Variants in SIPA1L3 observed in about 807,000 individuals in gnomAD.
The protein encoded by SIPA1L3 is signal induced proliferation associated 1 like 3.
SIPA1L3 carries 59 observed loss-of-function variants against 150.1 expected under a neutral mutation model. The observed-to-expected ratio is 0.39, with a 90% CI of 0.32 to 0.49. The LOEUF (loss-of-function observed/expected upper bound fraction) is 0.49, where lower values mean the gene tolerates loss of function less well. SIPA1L3 is among the 20% of genes least tolerant of loss of function. The probability of loss-of-function intolerance (pLI) is 0.86; values close to 1 mark genes in which losing one functional copy is unlikely to be tolerated. For missense variants in SIPA1L3, 2,211 were observed against 2,489.5 expected (o/e 0.89, Z 2.38); for synonymous variants, 1,070 against 1,077.6 (o/e 0.99, Z 0.14).
intron 1 of SIPA1L3, among the ~76,000 whole-genome samples, chr19:37,968,357 C>T (rs1409802521): frequency 6.6e-6 from 1 of 152,136 alleles, no homozygotes; most frequent in Non-Finnish European, 1.5e-5. Flanking sequence ...CAGGCATGAG[C>T]CACCGCGCCC....
intron 2 of SIPA1L3, among the ~76,000 whole-genome samples, chr19:38,042,251 A>G (rs1968942975): frequency 6.6e-6 from 1 of 152,162 alleles, no homozygotes; most frequent in African/African-American, 2.4e-5. Context: ...CATTCTTTGA[A>G]AGGCTCAGTT....
chr19:38,130,513 T>C lies in SIPA1L3; in HGVS notation c.2884T>C (p.Trp962Arg). ...VQRLKVMTSGWETVDMTLRRN... is the reference protein window; with the variant it reads ...VQRLKVMTSGRETVDMTLRRN... ...TGGCCTGCAGGTGATGACCAGTGGC[T>C]GGGAGACGGTGGACATGACGCTTCG... Residue 962 changes from tryptophan (W) to arginine (R), a missense_variant, in exon 10 of 22, where the codon TGG (tryptophan) becomes CGG (arginine). Physicochemically the swap from Trp to Arg is moderately radical, Grantham distance 101. Transcript: ENST00000222345. 1 of 1,612,152 alleles carries C rather than the reference T, an allele frequency of 6.2e-7. No individual in the cohort carries two copies. Among genetic ancestry groups the C allele is most frequent in the Non-Finnish European group, 8.5e-7 (1 of 1,179,522 alleles).
intron 4 of SIPA1L3, among the ~76,000 whole-genome samples, chr19:38,097,151 C>T (rs1327194251): frequency 6.6e-6 from 1 of 152,134 alleles, no homozygotes; most frequent in Non-Finnish European, 1.5e-5. Flanking sequence ...GAGTTGCAGA[C>T]CAGCCTGGGC....
At chr19:38,118,195 A>G (rs1249196981) in intron 8 of SIPA1L3, among the ~76,000 whole-genome samples, 1 of 152,194 alleles carries the variant, frequency 6.6e-6, no homozygotes, top group Non-Finnish European at 1.5e-5. Flanking sequence ...AGCTATTCCT[A>G]CAATAAAGCC....
At chr19:38,000,948 AAC>A (rs1568496006) in intron 1 of SIPA1L3, among the ~76,000 whole-genome samples, 4 of 87,558 alleles carry the variant, frequency 4.6e-5, no homozygotes, top group Non-Finnish European at 7.0e-5. Context: ...TATAACATAT[AAC>A]ACACATATAA....
intron 1 of SIPA1L3, among the ~76,000 whole-genome samples, chr19:37,949,085 T>C (rs2046738501): frequency 6.6e-6 from 1 of 152,184 alleles, no homozygotes; most frequent in Non-Finnish European, 1.5e-5. Flanking sequence ...CAAAGAATTG[T>C]GAGATGCCTC....
intron 2 of SIPA1L3, among the ~76,000 whole-genome samples, chr19:38,040,701 TA>T (rs1193945875): frequency 6.6e-6 from 1 of 152,258 alleles, no homozygotes; most frequent in Non-Finnish European, 1.5e-5. Context: ...ATGCCCCATT[TA>T]AGAGTTTCAA....
At chr19:38,097,100 G>A (rs1402205389) in intron 4 of SIPA1L3, among the ~76,000 whole-genome samples, 1 of 152,224 alleles carries the variant, frequency 6.6e-6, no homozygotes, top group Non-Finnish European at 1.5e-5. Flanking sequence ...TGTAATCCTG[G>A]CACTTCAGGA....
intron 1 of SIPA1L3, among the ~76,000 whole-genome samples, chr19:37,919,454 A>G: frequency 6.6e-6 from 1 of 152,208 alleles, no homozygotes; most frequent in South Asian, 2.1e-4. Context: ...GTAAGAGGAA[A>G]CTGAGTTACA....
At chr19:38,083,945 A>G (rs984044192) in intron 3 of SIPA1L3, among the ~76,000 whole-genome samples, 1 of 150,626 alleles carries the variant, frequency 6.6e-6, no homozygotes, top group Non-Finnish European at 1.5e-5. Flanking sequence ...GTGGGCTGAG[A>G]TCATGCCACT....
chr19:38,199,323 T>C (rs1389553527), intron 19 of SIPA1L3, among the ~76,000 whole-genome samples: 1 of 152,218 alleles, frequency 6.6e-6, no homozygotes, highest in African/African-American at 2.4e-5. Context: ...GAGACCCAGA[T>C]GCCATCAGCG....
intron 10 of SIPA1L3, among the ~76,000 whole-genome samples, chr19:38,135,881 G>C (rs1459246637): frequency 6.6e-6 from 1 of 151,988 alleles, no homozygotes; most frequent in Non-Finnish European, 1.5e-5. Flanking sequence ...TCAAATGTCT[G>C]TTGTAGTGAG....
At chr19:37,938,629 T>C (rs1324145707) in intron 1 of SIPA1L3, among the ~76,000 whole-genome samples, 5 of 150,576 alleles carry the variant, frequency 3.3e-5, no homozygotes, top group Non-Finnish European at 1.5e-5. Flanking sequence ...TTTTTCTTTT[T>C]TTTTTTTTTT....
intron 19 of SIPA1L3, among the ~76,000 whole-genome samples, chr19:38,199,218 C>T (rs1973032816): frequency 6.6e-6 from 1 of 152,196 alleles, no homozygotes; most frequent in South Asian, 2.1e-4. Context: ...GCAGCTGTGG[C>T]ATCTCCTCTC....
In SIPA1L3 at chr19:38,164,609, G is replaced by A. The variant is rs1972164492; in HGVS notation, c.3911G>A (p.Gly1304Asp). 1 of 1,614,128 alleles carries A rather than the reference G, an allele frequency of 6.2e-7. No individual in the cohort carries two copies. Among genetic ancestry groups the A allele is most frequent in the Non-Finnish European group, 8.5e-7 (1 of 1,180,014 alleles). The change falls in exon 15 of 22, where the codon GGT (glycine) becomes GAT (aspartate). Residue 1304 changes from glycine to aspartate, a missense_variant. Around this residue, in one of 5 missense-constraint regions of SIPA1L3, gnomAD observed 806 missense variants for 870.1 expected, o/e 0.93. Transcript: ENST00000222345. This position sits in a 1 kb window ranked among gnomAD's most constrained non-coding sequence, Gnocchi z 4.1. ...LEPEQDPLSK[G>D]GSSDSGIDTT... ...CCAGAGCAAGACCCCCTCTCCAAGG[G>A]TGGCTCTAGTGACAGCGGCATCGAC...
At chr19:37,958,004 A>G (rs1217196143) in intron 1 of SIPA1L3, among the ~76,000 whole-genome samples, 1 of 152,108 alleles carries the variant, frequency 6.6e-6, no homozygotes, top group African/African-American at 2.4e-5. Flanking sequence ...ATGAGCCACC[A>G]TATCTGGCCT....
intron 10 of SIPA1L3, among the ~76,000 whole-genome samples, chr19:38,137,183 T>TTTGTTG (rs913092046): frequency 6.6e-6 from 1 of 151,694 alleles, no homozygotes; most frequent in Non-Finnish European, 1.5e-5. Flanking sequence ...TGCCTTCATT[T>TTTGTTG]TTGTTGTTGT....
chr19:38,066,593 A>G (rs775535172), intron 2 of SIPA1L3, among the ~76,000 whole-genome samples: 5 of 152,206 alleles, frequency 3.3e-5, no homozygotes, highest in Non-Finnish European at 7.3e-5. Context: ...TGGGAGGCCA[A>G]GACGGGTGGA....
intron 10 of SIPA1L3, among the ~76,000 whole-genome samples, chr19:38,137,288 A>G (rs1396739766): frequency 6.6e-6 from 1 of 152,068 alleles, no homozygotes; most frequent in African/African-American, 2.4e-5. Context: ...TCCCAGGTTC[A>G]AGCGATCCTC....
Sources: gnomAD v4.1 joint callset for allele counts (sites outside exome capture counted in the v4.1 genomes callset) on GRCh38, gnomAD v4.1.1 for gene constraint, gnomAD v4.1.1 regional missense constraint, Gnocchi (gnomAD v3.1) non-coding constraint, MANE v1.5 for transcripts, NCBI Gene and HGNC (gene_info 2026-07-23, HGNC 2026-07-21) for gene names.